The following APBB2 variants were observed in gnomAD, a reference collection of about 807,000 sequenced individuals.
The protein encoded by APBB2 is Fe65-like 1.
Under a neutral mutation model 82.5 loss-of-function variants are expected in APBB2, and 38 were observed. That is an observed-to-expected ratio of 0.46 (90% CI 0.36 to 0.60). The LOEUF (loss-of-function observed/expected upper bound fraction) is 0.60, where lower values mean the gene tolerates loss of function less well. Among genes scored for constraint, APBB2 ranks in the 20% least tolerant of loss-of-function variants. APBB2 has a pLI of 0.00. For missense variants in APBB2, 772 were observed against 972.3 expected (o/e 0.79, Z 2.74); for synonymous variants, 341 against 368.2 (o/e 0.93, Z 0.85).
intron 12 of APBB2, among the ~76,000 whole-genome samples, chr4:40,865,576 C>A (rs1022525774): frequency 2.6e-5 from 4 of 152,212 alleles, no homozygotes; most frequent in Non-Finnish European, 5.9e-5. Context: ...CTGAACCTTG[C>A]TTCCTTCACT....
chr4:40,931,643 G>A (rs868562247), intron 10 of APBB2, among the ~76,000 whole-genome samples: 1 of 152,126 alleles, frequency 6.6e-6, no homozygotes, highest in Non-Finnish European at 1.5e-5. Context: ...GGCACACACA[G>A]AAAACCCCAC....
intron 4 of APBB2, among the ~76,000 whole-genome samples, chr4:41,033,771 C>A (rs1346926373): frequency 6.6e-6 from 1 of 151,984 alleles, no homozygotes; most frequent in Non-Finnish European, 1.5e-5. Flanking sequence ...CATAAAAGGG[C>A]TAATTTCCTT....
intron 3 of APBB2, among the ~76,000 whole-genome samples, chr4:41,090,518 C>G (rs753160811): frequency 5.2e-4 from 79 of 152,156 alleles, no homozygotes; most frequent in Non-Finnish European, 8.8e-4. Flanking sequence ...ACTTATAAGA[C>G]ATCAGACACT....
At chr4:41,080,386 C>G (rs961909264) in intron 3 of APBB2, among the ~76,000 whole-genome samples, 1 of 152,084 alleles carries the variant, frequency 6.6e-6, no homozygotes, top group African/African-American at 2.4e-5. Flanking sequence ...GAATCAAATG[C>G]AGTAATGACA....
intron 1 of APBB2, among the ~76,000 whole-genome samples, chr4:41,160,646 A>C (rs1354444550): frequency 6.6e-6 from 1 of 151,896 alleles, no homozygotes; most frequent in Non-Finnish European, 1.5e-5. Context: ...TTGGTGACTA[A>C]CTCCCTTCCC....
intron 6 of APBB2, among the ~76,000 whole-genome samples, chr4:40,973,828 T>C (rs1796512660): frequency 6.6e-6 from 1 of 151,074 alleles, no homozygotes; most frequent in Non-Finnish European, 1.5e-5. Context: ...CTTTCTTCTG[T>C]GTGTGTGTCT....
intron 7 of APBB2, among the ~76,000 whole-genome samples, chr4:40,941,475 T>C (rs1307756125): frequency 6.6e-6 from 1 of 152,086 alleles, no homozygotes; most frequent in Non-Finnish European, 1.5e-5. Flanking sequence ...GGGGTGGAAA[T>C]AGGGGCCAGG....
At position 40,856,984 on chromosome 4, in the gene APBB2, C is replaced by G. The variant is rs377043565; in HGVS notation, c.1530-26407G>C. ...TCGACCCCCGTTCCCCCTGAACGCA[C>G]CTGCAAACAAAGGAGAGCCGTTCCT... On this transcript the variant is annotated intron_variant, in intron 12 of 17. Transcript: ENST00000508593. The G allele has an allele frequency of 2.7e-4, 267 of 985,578 alleles. 1 individual carries two copies. The Middle Eastern group carries it at 6.3e-3, about 23-fold the overall frequency. The allele number at this position is 985,578 out of a possible 1,614,324, so 61.1% of individuals were successfully genotyped here.
At chr4:40,996,323 G>GT (rs1001935899) in intron 6 of APBB2, among the ~76,000 whole-genome samples, 1 of 152,128 alleles carries the variant, frequency 6.6e-6, no homozygotes, top group Admixed American at 6.5e-5. Context: ...TGTTTGTTTT[G>GT]TTTTTTAAGG....
At chr4:40,817,321 T>C (rs1746089317) in intron 17 of APBB2, among the ~76,000 whole-genome samples, 2 of 152,062 alleles carry the variant, frequency 1.3e-5, no homozygotes, top group East Asian at 1.9e-4. Flanking sequence ...GGCGGGAGGA[T>C]TGCTTCAGAC....
Position 40,845,241 on chromosome 4 carries a change from A to G in APBB2, c.1530-14664T>C, listed in dbSNP as rs185930551. Among the ~76,000 whole-genome samples, 407 of 152,338 alleles carry G rather than the reference A, an allele frequency of 2.7e-3. 2 individuals are homozygous for G. Among genetic ancestry groups the G allele is most frequent in the African/African-American group, 9.3e-3 (385 of 41,574 alleles). On this transcript the variant is annotated intron_variant, in intron 12 of 17. Transcript: ENST00000508593. ...CAGAAGAGTCACAGACAGTGCCAGC[A>G]GCTCCACCAATTCAGCACCTTGTAA... is the stretch of plus-strand genomic sequence containing the variant.
chr4:41,055,299 T>C (rs1172000494), intron 4 of APBB2, among the ~76,000 whole-genome samples: 1 of 152,186 alleles, frequency 6.6e-6, no homozygotes, highest in African/African-American at 2.4e-5. Context: ...GCAGGTACCA[T>C]GATCCACAAT....
chr4:41,057,178 C>T (rs1330547559), intron 4 of APBB2, among the ~76,000 whole-genome samples: 2 of 152,176 alleles, frequency 1.3e-5, no homozygotes, highest in African/African-American at 2.4e-5. Context: ...AGGCAGGGCA[C>T]GGTGTCTCAA....
intron 6 of APBB2, among the ~76,000 whole-genome samples, chr4:40,978,076 C>A (rs1445634257): frequency 6.6e-6 from 1 of 152,166 alleles, no homozygotes; most frequent in African/African-American, 2.4e-5. Flanking sequence ...GAAAGGGTGG[C>A]CAGAAATAGC....
intron 10 of APBB2, among the ~76,000 whole-genome samples, chr4:40,929,719 A>T (rs1267484734): frequency 1.3e-5 from 2 of 152,234 alleles, no homozygotes; most frequent in Non-Finnish European, 2.9e-5. Context: ...GTACTCTAGG[A>T]TATTACTGAT....
intron 6 of APBB2, among the ~76,000 whole-genome samples, chr4:40,981,416 T>G (rs1035687686): frequency 6.6e-6 from 1 of 152,090 alleles, no homozygotes; most frequent in African/African-American, 2.4e-5. Context: ...CAGAATTAAT[T>G]CGAATCCAGA....
At chr4:41,191,631 A>G (rs978171449) in intron 1 of APBB2, among the ~76,000 whole-genome samples, 1 of 152,224 alleles carries the variant, frequency 6.6e-6, no homozygotes, top group African/African-American at 2.4e-5. Flanking sequence ...AAAATGGATA[A>G]AAGACCTAAA....
chr4:41,049,747 A>C (rs1694980014), intron 4 of APBB2, among the ~76,000 whole-genome samples: 2 of 152,272 alleles, frequency 1.3e-5, no homozygotes, highest in African/African-American at 4.8e-5. Context: ...GTCTGTGTAG[A>C]GAGAAGTAGA....
intron 13 of APBB2, among the ~76,000 whole-genome samples, chr4:40,828,942 C>T (rs1217781269): frequency 1.3e-5 from 2 of 152,178 alleles, no homozygotes; most frequent in Admixed American, 1.3e-4. Flanking sequence ...TGGGCCAACT[C>T]CTGGCCTGGG....
Sources: allele counts gnomAD v4.1 joint callset (sites outside exome capture counted in the v4.1 genomes callset), GRCh38; gene constraint gnomAD v4.1.1; transcripts MANE v1.5; gene names NCBI Gene and HGNC (gene_info 2026-07-23, HGNC 2026-07-21).